KMT2C: variants seen among roughly 807,000 people sequenced by gnomAD.
KMT2C encodes lysine methyltransferase 2C.
KMT2C carries 88 observed loss-of-function variants against 507.9 expected under a neutral mutation model. The observed-to-expected ratio is 0.17, with a 90% CI of 0.15 to 0.21. The LOEUF (loss-of-function observed/expected upper bound fraction) is 0.21, where lower values mean the gene tolerates loss of function less well. KMT2C is among the 10% of genes least tolerant of loss of function. KMT2C has a pLI of 1.00. For synonymous variants in KMT2C, 2,049 were observed against 2,080.8 expected (o/e 0.98, Z 0.42); for missense variants, 4,954 against 5,957.8 (o/e 0.83, Z 5.55).
intron 9 of KMT2C, among the ~76,000 whole-genome samples, chr7:152,255,109 T>TTGTATATA (rs1491178887): frequency 1.3e-5 from 1 of 78,344 alleles, no homozygotes; most frequent in Non-Finnish European, 2.7e-5. Context: ...CAACTCTCAC[T>TTGTATATA]TATATATATA....
intron 17 of KMT2C, 39 bp from the exon 18 acceptor site, chr7:152,230,066 T>G (rs2129151212): frequency 8.9e-7 from 1 of 1,120,290 alleles, no homozygotes; most frequent in Non-Finnish European, 1.3e-6. Flanking sequence ...AAATGGAGAC[T>G]AAGCTAAAAA....
Position 152,148,760 on chromosome 7 carries a change from G to A in KMT2C, c.13167C>T (p.Ser4389=). 3 of 1,614,174 alleles carry A rather than the reference G, an allele frequency of 1.9e-6. No individual in the cohort carries two copies. Among genetic ancestry groups the A allele is most frequent in the Non-Finnish European group, 2.5e-6 (3 of 1,180,036 alleles). The change falls in exon 52 of 59, where the codon TCC becomes TCT. Residue 4389 remains serine, a synonymous_variant. Coordinates refer to ENST00000262189, the MANE Select transcript of KMT2C (RefSeq NM_170606.3). The surrounding 1 kb of genome is among the most constrained non-coding windows in gnomAD (Gnocchi z 7.1). ...IDEFLKKLGT[S]LKPDPVPKDY... ...CTTTGGGCACAGGATCAGGTTTAAG[G>A]GAAGTGCCCAATTTCTTTAGAAATT...
In KMT2C at chr7:152,146,556, C is replaced by G. The variant is rs1207159056; in HGVS notation, c.14031+43G>C. The G allele has an allele frequency of 3.1e-6, 5 of 1,605,076 alleles. No individual in the cohort carries two copies. The Admixed American group carries it at 5.0e-5, about 16-fold the overall frequency. On this transcript the variant is annotated intron_variant, in intron 53 of 58. Coordinates refer to ENST00000262189, the MANE Select transcript of KMT2C (RefSeq NM_170606.3). ...ATGTGTTCAAGTGGTCACACTGAATCAGGAAAGCAATTCCAATCTCAAAGC... is the reference window on the plus strand; with the variant it reads ...ATGTGTTCAAGTGGTCACACTGAATGAGGAAAGCAATTCCAATCTCAAAGC...
chr7:152,435,851 C>CGCCGCCGCCGCCGCTGCT lies in KMT2C; in HGVS notation c.-83_-66dup. On this transcript the variant is annotated 5_prime_UTR_variant, in exon 1 of 59. Coordinates refer to ENST00000262189, the MANE Select transcript of KMT2C (RefSeq NM_170606.3). ...CCTGGGGGGCTCCCGCCGCCGCGGC[C>CGCCGCCGCCGCCGCTGCT]GCCGCCGCCGCCGCTGCTGCTCGGG... 4 of 1,295,310 alleles carry CGCCGCCGCCGCCGCTGCT rather than the reference C, an allele frequency of 3.1e-6. No homozygotes were observed. The highest frequency in any genetic ancestry group is 4.0e-6 in the Non-Finnish European group (4 of 1,004,422). The allele number at this position is 1,295,310 out of a possible 1,614,324, so 80.2% of individuals were successfully genotyped here. A position where few individuals can be genotyped will look rare whatever the true frequency, so the allele number is the denominator to read the frequency against.
At position 152,136,835 on chromosome 7, in the gene KMT2C, G is replaced by T; in HGVS notation, c.14733C>A (p.Asn4911Lys). The T allele has an allele frequency of 6.2e-7, 1 of 1,611,564 alleles. No homozygotes were observed. The change falls in exon 59 of 59, where the codon AAC becomes AAA. Residue 4911 changes from asparagine (N) to lysine (K), a missense_variant. By Grantham distance (94) the Asn-to-Lys change is moderately conservative. Around this residue, in one of 29 missense-constraint regions of KMT2C, gnomAD observed 133 missense variants for 258.9 expected, o/e 0.51. Coordinates refer to ENST00000262189, the MANE Select transcript of KMT2C (RefSeq NM_170606.3). ...CTGAGCTAGCAAGGAATGCATTTCAGTTCATCCACTTCCGGCAGTTCACAG... is the reference window on the plus strand; with the variant it reads ...CTGAGCTAGCAAGGAATGCATTTCATTTCATCCACTTCCGGCAGTTCACAG... Reference protein sequence around the residue: ...CGAVNCRKWMN With the variant: ...CGAVNCRKWMK
intron 7 of KMT2C, among the ~76,000 whole-genome samples, chr7:152,266,427 T>C (rs1461050787): frequency 2.0e-5 from 3 of 152,184 alleles, no homozygotes; most frequent in Admixed American, 1.3e-4. Flanking sequence ...ATATTTTCAG[T>C]AGAGACGGTG....
In KMT2C at chr7:152,176,767, C is replaced by T. The variant is rs758355940; in HGVS notation, c.8686G>A (p.Ala2896Thr). 5.6e-6 allele frequency: 9 copies of T among 1,614,000 alleles called. No individual in the cohort carries two copies. Among genetic ancestry groups the T allele is most frequent in the Non-Finnish European group, 7.6e-6 (9 of 1,180,010 alleles). Residue 2896 changes from alanine to threonine, a missense_variant, in exon 38 of 59, where the codon GCA (alanine) becomes ACA (threonine). Physicochemically the swap from Ala to Thr is moderately conservative, Grantham distance 58 (BLOSUM62 0). This residue lies in a region of KMT2C where 1,689 missense variants were observed against 1,654.3 expected (regional missense o/e 1.02). Transcript: ENST00000262189. The part of the protein sequence containing the change: ...TAGPSANVIQ[A>T]STQLPAQDVI... ...TCTTGAGCAGGTAGTTGAGTGGATG[C>T]CTGAATGACATTTGCACTGGGGCCA...
chr7:152,304,392 T>C (rs1291619279), intron 6 of KMT2C, among the ~76,000 whole-genome samples: 2 of 152,238 alleles, frequency 1.3e-5, no homozygotes, highest in Non-Finnish European at 2.9e-5. Context: ...ACCAGAGCTC[T>C]TTAGAATATT....
chr7:152,200,515 G>T (rs2094104890), intron 26 of KMT2C, among the ~76,000 whole-genome samples: 1 of 152,024 alleles, frequency 6.6e-6, no homozygotes, highest in African/African-American at 2.4e-5. Flanking sequence ...GTTCACTTAG[G>T]CCCAGGAGTT....
Position 152,187,994 on chromosome 7 carries a change from A to T in KMT2C, c.4661-147T>A. On this transcript the variant is annotated intron_variant, in intron 31 of 58. Transcript: ENST00000262189. The stretch of plus-strand genomic sequence containing the variant: ...TCAACTGAATGTGGATAGAAAACAC[A>T]GGGAAACCCATGCATAGAGAGGACC... The T allele has an allele frequency of 4.0e-6, 3 of 753,776 alleles. No individual in the cohort carries two copies. The South Asian group carries it at 6.1e-5, about 15-fold the overall frequency. The allele number at this position is 753,776 out of a possible 1,614,324, so 46.7% of individuals were successfully genotyped here. A position where few individuals can be genotyped will look rare whatever the true frequency, so the allele number is the denominator to read the frequency against.
At chr7:152,268,810 C>CT (rs1241856814) in intron 7 of KMT2C, among the ~76,000 whole-genome samples, 2 of 152,128 alleles carry the variant, frequency 1.3e-5, no homozygotes, top group Non-Finnish European at 2.9e-5. Context: ...TTCTGTGAAA[C>CT]TTTCTAGAGT....
chr7:152,156,228 G>A lies in KMT2C; in HGVS notation c.11789C>T (p.Ala3930Val), dbSNP rs530748176. 6.2e-7 allele frequency: 1 copy of A among 1,614,106 alleles called. No homozygotes were observed. Among genetic ancestry groups the A allele is most frequent in the Admixed American group, 1.7e-5 (1 of 60,000 alleles). Reference protein sequence around the residue: ...FATTEELAGKAGVLVSHEVTK... With the variant: ...FATTEELAGKVGVLVSHEVTK... ...ACCTTCATGGCTCACTAACACTCCG[G>A]CTTTTCCAGCAAGTTCTTCAGTTGT... The change falls in exon 45 of 59, where the codon GCC (alanine) becomes GTC (valine). Residue 3930 changes from alanine (A) to valine (V), a missense_variant. Physicochemically the swap from Ala to Val is moderately conservative, Grantham distance 64. This residue lies in a region of KMT2C where 104 missense variants were observed against 134.3 expected (regional missense o/e 0.77). Coordinates refer to ENST00000262189, the MANE Select transcript of KMT2C (RefSeq NM_170606.3).
At chr7:152,320,318 G>A (rs2096761815) in intron 3 of KMT2C, among the ~76,000 whole-genome samples, 1 of 152,066 alleles carries the variant, frequency 6.6e-6, no homozygotes, top group Non-Finnish European at 1.5e-5. Flanking sequence ...GTACGGTCTT[G>A]GCTCACTGTA....
chr7:152,224,273 A>T, intron 19 of KMT2C, 94 bp from the exon 20 acceptor site: 1 of 1,340,974 alleles, frequency 7.5e-7, no homozygotes, highest in Non-Finnish European at 1.0e-6. Flanking sequence ...ATAATGGGGG[A>T]AATGATTTAA....
rs111308548 is a variant in KMT2C, at chr7:152,211,869, A to G, written c.3713-4441T>C. On this transcript the variant is annotated intron_variant, in intron 23 of 58. Transcript: ENST00000262189. ...AGACACCATCCTGGCTAACACAGTGAAAACCCGTCTCTACTAAAAATACAA... is the reference window on the plus strand; with the variant it reads ...AGACACCATCCTGGCTAACACAGTGGAAACCCGTCTCTACTAAAAATACAA... Among the ~76,000 whole-genome samples, 1,448 of 152,296 alleles carry G rather than the reference A, an allele frequency of 9.5e-3. 28 individuals are homozygous for G. Among genetic ancestry groups the G allele is most frequent in the African/African-American group, 0.034 (1,393 of 41,560 alleles).
At chr7:152,158,511 GTTTT>G (rs566073420) in intron 44 of KMT2C, among the ~76,000 whole-genome samples, 6 of 128,164 alleles carry the variant, frequency 4.7e-5, no homozygotes, top group Non-Finnish European at 8.4e-5. Context: ...TGAATTGTTT[GTTTT>G]TTTTTTGTTT....
rs540616673 is a variant in KMT2C at position 152,340,849 on chromosome 7, C to T, written c.251-10110G>A. On this transcript the variant is annotated intron_variant, in intron 2 of 58. Transcript: ENST00000262189. ...TACTTGTCAAAAGCCAAAAAATATG[C>T]GGGCATTAATTTAAATAGTAATTGT... Among the ~76,000 whole-genome samples, 17 of 151,754 alleles carry T rather than the reference C, an allele frequency of 1.1e-4. No homozygotes were observed. The South Asian group carries it at 3.1e-3, about 28-fold the overall frequency.
chr7:152,377,012 CTT>C (rs986059383), intron 1 of KMT2C, among the ~76,000 whole-genome samples: 26 of 141,562 alleles, frequency 1.8e-4, no homozygotes, highest in African/African-American at 7.8e-4. Flanking sequence ...AGGCGAGACT[CTT>C]GTCTCTTTTA....
At chr7:152,183,297 A>C (rs1002621407) in intron 34 of KMT2C, 141 bp from the exon 35 acceptor site, 2 of 620,544 alleles carry the variant, frequency 3.2e-6, no homozygotes, top group Non-Finnish European at 5.5e-6. Context: ...CCTCCCAAAA[A>C]AGGATCTGGA....
Sources: allele counts gnomAD v4.1 joint callset (sites outside exome capture counted in the v4.1 genomes callset), GRCh38; gene constraint gnomAD v4.1.1; regional missense constraint gnomAD v4.1.1; non-coding constraint Gnocchi (gnomAD v3.1); transcripts MANE v1.5; gene names NCBI Gene and HGNC (gene_info 2026-07-23, HGNC 2026-07-21).